Variants in DTD1 observed in about 807,000 individuals in gnomAD.
DTD1 encodes D-aminoacyl-tRNA deacylase 1, also known as D-tyrosyl-tRNA deacylase 1 homolog.
In DTD1, 13 loss-of-function variants were observed where a neutral mutation model predicts 25.6. The ratio of observed to expected loss-of-function variants is 0.51; its 90% CI spans 0.33 to 0.81. The LOEUF (loss-of-function observed/expected upper bound fraction) is 0.81, where lower values mean the gene tolerates loss of function less well. DTD1 is among the 30% of genes least tolerant of loss of function. DTD1 has a pLI of 0.02. For synonymous variants in DTD1, 110 were observed against 103.6 expected, an observed-to-expected ratio of 1.06 and a Z score of -0.37; for missense variants, 193 against 266.4, an observed-to-expected ratio of 0.72 and a Z score of 1.92.
intron 4 of DTD1, among the ~76,000 whole-genome samples, chr20:18,730,971 G>C (rs1050487087): frequency 6.6e-6 from 1 of 152,170 alleles, no homozygotes; most frequent in African/African-American, 2.4e-5. Context: ...CCATTCCTCT[G>C]TTGTCATGCA....
chr20:18,658,432 TCTC>T (rs1185542050), intron 4 of DTD1, among the ~76,000 whole-genome samples: 1 of 152,172 alleles, frequency 6.6e-6, no homozygotes, highest in Admixed American at 6.5e-5. Context: ...TTCATGCCAT[TCTC>T]CTGCCTCAGC....
chr20:18,631,285 T>C lies in DTD1; in HGVS notation c.477+3052T>C, dbSNP rs58099660. ...TGTGGGGCCCCTTGTTCAAAAAATATTACAAATTTCAAGGTGGTGACATAG... is the reference window on the plus strand; with the variant it reads ...TGTGGGGCCCCTTGTTCAAAAAATACTACAAATTTCAAGGTGGTGACATAG... On this transcript the variant is annotated intron_variant, in intron 4 of 5. Transcript: ENST00000377452. 1,395 of 984,598 alleles carry C rather than the reference T, an allele frequency of 1.4e-3. 31 individuals carry two copies. In the East Asian group the frequency reaches 0.045, roughly 32 times the overall value. The allele number at this position is 984,598 out of a possible 1,614,324, so 61.0% of individuals were successfully genotyped here.
At chr20:18,745,503 G>A (rs2061296529) in intron 5 of DTD1, among the ~76,000 whole-genome samples, 1 of 152,222 alleles carries the variant, frequency 6.6e-6, no homozygotes, top group Non-Finnish European at 1.5e-5. Flanking sequence ...CAGGTGTGGG[G>A]TGGAGATGGG....
At chr20:18,613,017 C>T (rs1439141833) in intron 3 of DTD1, among the ~76,000 whole-genome samples, 1 of 152,166 alleles carries the variant, frequency 6.6e-6, no homozygotes, top group African/African-American at 2.4e-5. Context: ...CCTTCTCCGT[C>T]ATGATCAAGG....
chr20:18,757,417 A>G (rs1260485545), intron 5 of DTD1, among the ~76,000 whole-genome samples: 1 of 152,162 alleles, frequency 6.6e-6, no homozygotes, highest in Non-Finnish European at 1.5e-5. Flanking sequence ...TTTGTCATAG[A>G]TAGCTCTTAT....
At chr20:18,617,463 C>G (rs888933108) in intron 3 of DTD1, among the ~76,000 whole-genome samples, 7 of 151,674 alleles carry the variant, frequency 4.6e-5, no homozygotes, top group Non-Finnish European at 8.8e-5. Flanking sequence ...GTTCATTGTT[C>G]TATGTTTCTG....
At chr20:18,723,991 A>G (rs1043434546) in intron 4 of DTD1, among the ~76,000 whole-genome samples, 2 of 152,182 alleles carry the variant, frequency 1.3e-5, no homozygotes, top group African/African-American at 4.8e-5. Flanking sequence ...TAGAGTCACC[A>G]CCACATTTCC....
intron 4 of DTD1, among the ~76,000 whole-genome samples, chr20:18,641,694 C>G (rs1175661902): frequency 6.6e-6 from 1 of 152,074 alleles, no homozygotes; most frequent in Non-Finnish European, 1.5e-5. Context: ...GTTCTTTGCC[C>G]AGTTTTGAAT....
rs566439045 is a variant in DTD1 at position 18,588,778 on chromosome 20, A to G, written c.43+663A>G. On this transcript the variant is annotated intron_variant, in intron 1 of 5. Transcript: ENST00000377452. ...GAAAACATTTCTCTTTTTCTTGTGG[A>G]CCAAGCTACCCGACCCCTGGTCATC... 3.7e-5 allele frequency: 36 copies of G among 985,012 alleles called. No homozygotes were observed. In the South Asian group the frequency reaches 1.6e-3, roughly 42 times the overall value. The allele number at this position is 985,012 out of a possible 1,614,324, so 61.0% of individuals were successfully genotyped here.
At chr20:18,728,315 G>A (rs1408209661) in intron 4 of DTD1, among the ~76,000 whole-genome samples, 1 of 152,206 alleles carries the variant, frequency 6.6e-6, no homozygotes, top group East Asian at 1.9e-4. Context: ...ACCTGGCTGG[G>A]GGATGGGAGT....
At chr20:18,668,044 A>G (rs1568663348) in intron 4 of DTD1, among the ~76,000 whole-genome samples, 1 of 152,234 alleles carries the variant, frequency 6.6e-6, no homozygotes, top group Non-Finnish European at 1.5e-5. Flanking sequence ...TTCTTTTTCC[A>G]AAAGAAAACA....
intron 5 of DTD1, among the ~76,000 whole-genome samples, chr20:18,745,510 T>C (rs2061296606): frequency 6.6e-6 from 1 of 151,798 alleles, no homozygotes; most frequent in South Asian, 2.1e-4. Context: ...GGGGTGGAGA[T>C]GGGAGGTCAG....
At chr20:18,591,913 A>G (rs1012171726) in intron 1 of DTD1, among the ~76,000 whole-genome samples, 7 of 152,218 alleles carry the variant, frequency 4.6e-5, no homozygotes, top group Non-Finnish European at 1.0e-4. Flanking sequence ...AGTCACACAC[A>G]CATAGTTCAT....
chr20:18,717,547 A>G (rs946769398), intron 4 of DTD1, among the ~76,000 whole-genome samples: 1 of 152,184 alleles, frequency 6.6e-6, no homozygotes, highest in African/African-American at 2.4e-5. Context: ...CAATTTTTCC[A>G]TGTTTTTAGG....
At chr20:18,759,232 T>G (rs1295502938) in intron 5 of DTD1, among the ~76,000 whole-genome samples, 1 of 152,226 alleles carries the variant, frequency 6.6e-6, no homozygotes, top group Non-Finnish European at 1.5e-5. Flanking sequence ...TTTAGCCCAT[T>G]CACATTTAAC....
intron 4 of DTD1, among the ~76,000 whole-genome samples, chr20:18,713,932 C>G (rs1316507025): frequency 6.6e-6 from 1 of 152,154 alleles, no homozygotes; most frequent in African/African-American, 2.4e-5. Flanking sequence ...TGCCCAGAGC[C>G]CAGCACGGTC....
At chr20:18,627,987 G>A (rs191899427) in intron 3 of DTD1, 140 bp from the exon 4 acceptor site, 72 of 688,886 alleles carry the variant, frequency 1.0e-4, no homozygotes, top group African/African-American at 4.3e-4. Flanking sequence ...CTGTGAGTCC[G>A]TTAAACCTCT....
chr20:18,654,291 A>G (rs372661691), intron 4 of DTD1, among the ~76,000 whole-genome samples: 4 of 152,198 alleles, frequency 2.6e-5, no homozygotes, highest in African/African-American at 4.8e-5. Context: ...TCCCCTGCAC[A>G]TGTTGTCTTG....
intron 4 of DTD1, among the ~76,000 whole-genome samples, chr20:18,668,128 A>G (rs2122384340): frequency 6.6e-6 from 1 of 152,306 alleles, no homozygotes; most frequent in South Asian, 2.1e-4. Flanking sequence ...GTACTGTTGA[A>G]CAGAACAACA....
Sources: gnomAD v4.1 joint callset for allele counts (sites outside exome capture counted in the v4.1 genomes callset) on GRCh38, gnomAD v4.1.1 for gene constraint, MANE v1.5 for transcripts, NCBI Gene and HGNC (gene_info 2026-07-23, HGNC 2026-07-21) for gene names.